GDPD1: variants seen among roughly 807,000 people sequenced by gnomAD.
GDPD1 encodes the protein lysophospholipase D GDPD1.
GDPD1 carries 28 observed loss-of-function variants against 45.1 expected under a neutral mutation model. The ratio of observed to expected loss-of-function variants is 0.62; its 90% CI spans 0.46 to 0.85. GDPD1 has a LOEUF of 0.85. Among genes scored for constraint, GDPD1 ranks in the 40% least tolerant of loss-of-function variants. GDPD1 has a pLI of 0.00. For missense variants in GDPD1, 256 were observed against 364.8 expected, an observed-to-expected ratio of 0.70 and a Z score of 2.43; for synonymous variants, 139 against 131.4, an observed-to-expected ratio of 1.06 and a Z score of -0.40.
chr17:59,257,193 C>T lies in GDPD1; in HGVS notation c.439C>T (p.Pro147Ser). The change falls in exon 5 of 10, where the codon CCC (proline) becomes TCC (serine). Residue 147 changes from proline to serine, a missense_variant. Transcript: ENST00000284116. The stretch of plus-strand genomic sequence containing the variant: ...AGTTTTTGAGGCCTTTCCTAACACT[C>T]CCATTAACATCGATATCAAAGTCAA... ...KEVFEAFPNTPINIDIKVNNN... is the reference protein window; with the variant it reads ...KEVFEAFPNTSINIDIKVNNN... 3 of 1,604,456 alleles carry T rather than the reference C, an allele frequency of 1.9e-6. No individual in the cohort carries two copies. Among genetic ancestry groups the T allele is most frequent in the Non-Finnish European group, 2.6e-6 (3 of 1,175,218 alleles).
At chr17:59,247,924 C>T (rs1459713814) in intron 3 of GDPD1, among the ~76,000 whole-genome samples, 1 of 152,074 alleles carries the variant, frequency 6.6e-6, no homozygotes, top group African/African-American at 2.4e-5. Flanking sequence ...GCCACTGCAC[C>T]CAGCCTGCAC....
intron 1 of GDPD1, among the ~76,000 whole-genome samples, chr17:59,221,571 T>C (rs2047005440): frequency 6.6e-6 from 1 of 152,254 alleles, no homozygotes; most frequent in African/African-American, 2.4e-5. Flanking sequence ...TAAGTTTCTT[T>C]TGGAAAAGTG....
At chr17:59,272,627 A>G (rs572365736) in intron 8 of GDPD1, among the ~76,000 whole-genome samples, 158 bp from the exon 9 acceptor site, 5 of 152,354 alleles carry the variant, frequency 3.3e-5, no homozygotes, top group Admixed American at 1.3e-4. Flanking sequence ...CCAGCAATTA[A>G]GACATAAATT....
intron 2 of GDPD1, among the ~76,000 whole-genome samples, chr17:59,239,791 G>T (rs1290286421): frequency 6.7e-6 from 1 of 150,108 alleles, no homozygotes. Flanking sequence ...GCCAGCATAG[G>T]ACACACTGTT....
rs781447436 is a variant in GDPD1, at chr17:59,267,145, T to G, written c.681T>G (p.Phe227Leu). ...LPFVPIREQF[F>L]EIPMPSIILK... is the part of the protein sequence containing the mutation. ...TTGTGCCCATTCGAGAACAGTTTTT[T>G]GAAATCCCAATGCCTTCTATTATAC... Residue 227 changes from phenylalanine to leucine, a missense_variant, in exon 7 of 10, where the codon TTT (phenylalanine) becomes TTG (leucine). Physicochemically the swap from Phe to Leu is conservative, Grantham distance 22. Transcript: ENST00000284116. 3.1e-6 allele frequency: 5 copies of G among 1,614,058 alleles called. No homozygotes were observed. In the South Asian group the frequency reaches 5.5e-5, roughly 18 times the overall value.
At chr17:59,249,462 C>T (rs2047236923) in intron 4 of GDPD1, among the ~76,000 whole-genome samples, 1 of 151,956 alleles carries the variant, frequency 6.6e-6, no homozygotes, top group South Asian at 2.1e-4. Context: ...ATGGAAAGGA[C>T]CCCTTTCAAA....
chr17:59,222,941 TC>T (rs1311988668), intron 1 of GDPD1, among the ~76,000 whole-genome samples: 7 of 152,160 alleles, frequency 4.6e-5, no homozygotes, highest in African/African-American at 1.7e-4. Flanking sequence ...CAAAACCAGA[TC>T]CTCTAAAAAG....
intron 4 of GDPD1, among the ~76,000 whole-genome samples, chr17:59,254,078 A>C (rs1437544978): frequency 2.9e-5 from 4 of 136,912 alleles, no homozygotes; most frequent in African/African-American, 1.2e-4. Flanking sequence ...AAAAAAAAAA[A>C]GGGCCGGGTG....
At chr17:59,229,122 GTTATTATTA>G (rs71145540) in intron 1 of GDPD1, among the ~76,000 whole-genome samples, 6,167 of 134,338 alleles carry the variant, frequency 0.046, 170 homozygotes, top group African/African-American at 0.073. Context: ...TCCTCAAATT[GTTATTATTA>G]TTATTATTAT....
At chr17:59,265,246 A>G (rs918070279) in intron 6 of GDPD1, among the ~76,000 whole-genome samples, 71 of 152,198 alleles carry the variant, frequency 4.7e-4, no homozygotes, top group African/African-American at 1.7e-3. Flanking sequence ...TCCAGTAAAT[A>G]TAGCAGGGCC....
intron 4 of GDPD1, among the ~76,000 whole-genome samples, chr17:59,249,708 C>G (rs965766834): frequency 6.6e-6 from 1 of 152,082 alleles, no homozygotes; most frequent in African/African-American, 2.4e-5. Flanking sequence ...TATATAGGCT[C>G]CCTCATTGTC....
intron 4 of GDPD1, among the ~76,000 whole-genome samples, chr17:59,254,482 G>A (rs1226198603): frequency 6.6e-6 from 1 of 151,862 alleles, no homozygotes; most frequent in African/African-American, 2.4e-5. Flanking sequence ...GTGAGCTGTG[G>A]TCATGCTACT....
chr17:59,263,203 G>T (rs933109663), intron 6 of GDPD1, among the ~76,000 whole-genome samples: 6 of 151,684 alleles, frequency 4.0e-5, no homozygotes, highest in African/African-American at 1.5e-4. Flanking sequence ...GGCTAATTTT[G>T]AAATTTTTTG....
Position 59,274,272 on chromosome 17 carries a change from G to A in GDPD1, c.*499G>A. The A allele has an allele frequency of 2.3e-6, 1 of 442,498 alleles. No homozygotes were observed. The highest frequency in any genetic ancestry group is 3.0e-6 in the Non-Finnish European group (1 of 333,926). 27.4% of individuals were successfully genotyped at this position (442,498 alleles called of 1,614,324 possible). A position where few individuals can be genotyped will look rare whatever the true frequency, so the allele number is the denominator to read the frequency against. ...TCATGCCTGTAATCCCAGCACTTTG[G>A]GAGGCTGAGACAGGCGGATCATCTG... On this transcript the variant is annotated 3_prime_UTR_variant, in exon 10 of 10. Transcript: ENST00000284116.
In GDPD1 at chr17:59,256,667, G is replaced by T. The variant is rs557769149; in HGVS notation, c.368-455G>T. 2.8e-4 allele frequency among the ~76,000 whole-genome samples: 43 copies of T among 152,258 alleles called. No individual in the cohort carries two copies. The Middle Eastern group carries it at 0.017, about 60-fold the overall frequency. On this transcript the variant is annotated intron_variant, in intron 4 of 9. Transcript: ENST00000284116. ...TATGATAGAATCAGATCGGTGGATTGTATCAATGTCAGTATCATGGTTGTG... is the reference window on the plus strand; with the variant it reads ...TATGATAGAATCAGATCGGTGGATTTTATCAATGTCAGTATCATGGTTGTG...
At chr17:59,269,032 C>T (rs1173369864) in intron 7 of GDPD1, among the ~76,000 whole-genome samples, 3 of 151,948 alleles carry the variant, frequency 2.0e-5, no homozygotes, top group Admixed American at 2.0e-4. Flanking sequence ...GGCGTGGTGG[C>T]TCATGCCTGT....
At chr17:59,231,996 T>C (rs1026122489) in intron 1 of GDPD1, among the ~76,000 whole-genome samples, 1 of 152,030 alleles carries the variant, frequency 6.6e-6, no homozygotes, top group African/African-American at 2.4e-5. Flanking sequence ...TGGAAATCAG[T>C]GAATAAAGAT....
intron 4 of GDPD1, chr17:59,249,058 G>A (rs558684966): frequency 5.6e-5 from 14 of 249,842 alleles, no homozygotes; most frequent in South Asian, 2.6e-4. Context: ...GAATATTGCC[G>A]CAACTTATAT....
At chr17:59,273,021 A>G (rs2047455582) in intron 9 of GDPD1, 185 bp downstream of exon 9, 3 of 1,360,006 alleles carry the variant, frequency 2.2e-6, no homozygotes, top group Non-Finnish European at 2.9e-6. Flanking sequence ...GCATTTCTGG[A>G]TCTAGATTCC....
Sources: allele counts gnomAD v4.1 joint callset (sites outside exome capture counted in the v4.1 genomes callset), GRCh38; gene constraint gnomAD v4.1.1; transcripts MANE v1.5; gene names NCBI Gene and HGNC (gene_info 2026-07-23, HGNC 2026-07-21).